The following IL15 variants were observed in gnomAD, a reference collection of about 807,000 sequenced individuals.
IL15 encodes interleukin-15.
A neutral mutation model predicts 19.6 loss-of-function variants in IL15; 11 were observed. The ratio of observed to expected loss-of-function variants is 0.56; its 90% CI spans 0.35 to 0.93. The LOEUF is 0.93. Among genes scored for constraint, IL15 ranks in the 40% least tolerant of loss-of-function variants. The pLI is 0.01. For missense variants in IL15, 197 were observed against 186.5 expected (o/e 1.06, Z -0.33); for synonymous variants, 58 against 59.6 (o/e 0.97, Z 0.12).
intron 2 of IL15, chr4:141,704,550 A>G: frequency 3.1e-6 from 1 of 327,118 alleles, no homozygotes; most frequent in Non-Finnish European, 6.2e-6. Context: ...GGATTAATGC[A>G]GGCATTATAA....
intron 2 of IL15, among the ~76,000 whole-genome samples, chr4:141,706,266 G>T (rs1729511538): frequency 6.6e-6 from 1 of 151,388 alleles, no homozygotes; most frequent in Admixed American, 6.6e-5. Flanking sequence ...AAGGATAAAG[G>T]GTACTGATGG....
chr4:141,721,385 G>T (rs1730071873), intron 4 of IL15, among the ~76,000 whole-genome samples: 1 of 152,110 alleles, frequency 6.6e-6, no homozygotes, highest in Non-Finnish European at 1.5e-5. Context: ...GCCTACACTG[G>T]AATGAAGTCT....
chr4:141,655,853 G>T (rs1248702529), intron 1 of IL15, among the ~76,000 whole-genome samples: 1 of 152,162 alleles, frequency 6.6e-6, no homozygotes, highest in African/African-American at 2.4e-5. Context: ...TTGACATCAT[G>T]TGTGCTTTGT....
At position 141,710,705 on chromosome 4, in the gene IL15, T is replaced by C. The variant is rs528373969; in HGVS notation, c.-99-8661T>C. ...TGCCTGTCCCCACTACCTCTACTAC[T>C]ATTACAACCTTCTGTTAGATTCTTT... On this transcript the variant is annotated intron_variant, in intron 2 of 7. Coordinates refer to ENST00000320650, the MANE Select transcript of IL15 (RefSeq NM_000585.5). 9.2e-5 allele frequency among the ~76,000 whole-genome samples: 14 copies of C among 152,292 alleles called. No individual in the cohort carries two copies. In the East Asian group the frequency reaches 2.7e-3, roughly 29 times the overall value.
intron 2 of IL15, among the ~76,000 whole-genome samples, chr4:141,675,460 A>T (rs1196829381): frequency 2.0e-5 from 3 of 152,200 alleles, no homozygotes; most frequent in Non-Finnish European, 4.4e-5. Flanking sequence ...TCTGCATAAA[A>T]TGCTCTGTGA....
Position 141,645,667 on chromosome 4 carries a change from T to C in IL15, c.-222+8919T>C, listed in dbSNP as rs373349706. Among the ~76,000 whole-genome samples the C allele has an allele frequency of 1.4e-4, 22 of 152,196 alleles. No individual in the cohort carries two copies. The East Asian group carries it at 3.7e-3, about 25-fold the overall frequency. ...ACTTAGTGGTATAAAATAAGAACCA[T>C]TTTATTTTCTCAAGCCTAAGAATTA... On this transcript the variant is annotated intron_variant, in intron 1 of 7. Coordinates refer to ENST00000320650, the MANE Select transcript of IL15 (RefSeq NM_000585.5).
At chr4:141,721,591 T>G in intron 4 of IL15, 1 of 522,362 alleles carries the variant, frequency 1.9e-6, no homozygotes, top group African/African-American at 1.9e-5. Flanking sequence ...AACTAGTAAT[T>G]CATTCAAAAT....
chr4:141,650,060 C>T (rs1727353851), intron 1 of IL15, among the ~76,000 whole-genome samples: 2 of 151,874 alleles, frequency 1.3e-5, no homozygotes, highest in South Asian at 4.1e-4. Flanking sequence ...GAGTGTTTAC[C>T]TATGTGCCAA....
At chr4:141,686,819 A>G (rs1437838220) in intron 2 of IL15, among the ~76,000 whole-genome samples, 1 of 152,198 alleles carries the variant, frequency 6.6e-6, no homozygotes. Flanking sequence ...TTATCATCAA[A>G]TATTATTGTT....
At chr4:141,690,347 A>C (rs1441954331) in intron 2 of IL15, among the ~76,000 whole-genome samples, 1 of 152,184 alleles carries the variant, frequency 6.6e-6, no homozygotes, top group Admixed American at 6.5e-5. Context: ...AGTGCCGCCA[A>C]AGTGGGAGCC....
chr4:141,664,722 G>A (rs1173222707), intron 2 of IL15, among the ~76,000 whole-genome samples: 1 of 152,122 alleles, frequency 6.6e-6, no homozygotes, highest in East Asian at 1.9e-4. Flanking sequence ...AACTTTCAAG[G>A]AAGCACAAGA....
At chr4:141,651,430 G>T (rs565231696) in intron 1 of IL15, among the ~76,000 whole-genome samples, 68 of 152,162 alleles carry the variant, frequency 4.5e-4, no homozygotes, top group African/African-American at 1.6e-3. Context: ...GAATCCAAAA[G>T]GTTTGGAGGA....
intron 1 of IL15, among the ~76,000 whole-genome samples, chr4:141,646,799 T>G (rs1407666193): frequency 1.3e-5 from 2 of 152,078 alleles, no homozygotes; most frequent in African/African-American, 2.4e-5. Flanking sequence ...ACTTGTATGT[T>G]TTATTGAATT....
chr4:141,682,074 C>T (rs183055244), intron 2 of IL15, among the ~76,000 whole-genome samples: 1 of 152,292 alleles, frequency 6.6e-6, no homozygotes, highest in East Asian at 1.9e-4. Context: ...AGCTAGTATA[C>T]TCTACTGTAG....
intron 2 of IL15, among the ~76,000 whole-genome samples, chr4:141,693,296 C>A (rs766323242): frequency 4.6e-4 from 70 of 152,272 alleles, no homozygotes; most frequent in African/African-American, 1.5e-3. Context: ...AATCACCCCC[C>A]ACTGGGTCCC....
intron 2 of IL15, among the ~76,000 whole-genome samples, chr4:141,710,226 A>G (rs1270451216): frequency 1.3e-5 from 2 of 152,184 alleles, no homozygotes; most frequent in South Asian, 4.1e-4. Context: ...ACCCTCTATT[A>G]GTGGGTCTGG....
intron 2 of IL15, among the ~76,000 whole-genome samples, chr4:141,670,559 CT>C (rs989920703): frequency 6.6e-5 from 10 of 152,056 alleles, no homozygotes; most frequent in Non-Finnish European, 1.3e-4. Flanking sequence ...GTCTATTTTC[CT>C]AATGGAATGT....
intron 2 of IL15, among the ~76,000 whole-genome samples, chr4:141,694,391 A>G (rs1039916423): frequency 1.3e-5 from 2 of 152,228 alleles, no homozygotes; most frequent in African/African-American, 4.8e-5. Context: ...CATTCAATAT[A>G]TGGTATTTCT....
chr4:141,720,974 T>C (rs1730054335), intron 4 of IL15: 1 of 586,820 alleles, frequency 1.7e-6, no homozygotes, highest in African/African-American at 1.9e-5. Flanking sequence ...TTAAAACATT[T>C]CTTTCTTTAT....
Sources: allele counts gnomAD v4.1 joint callset (sites outside exome capture counted in the v4.1 genomes callset), GRCh38; gene constraint gnomAD v4.1.1; transcripts MANE v1.5; gene names NCBI Gene and HGNC (gene_info 2026-07-23, HGNC 2026-07-21).